Variants in FOXP2 observed in about 807,000 individuals in gnomAD.
FOXP2 encodes the protein forkhead box protein P2.
FOXP2 carries 12 observed loss-of-function variants against 115.8 expected under a neutral mutation model. That is an observed-to-expected ratio of 0.10 (90% CI 0.07 to 0.17). FOXP2 has a LOEUF of 0.17. Ranked by LOEUF, FOXP2 falls within the 10% of genes least tolerant of loss-of-function variation. The pLI, the probability that FOXP2 is intolerant of heterozygous loss-of-function variation, is 1.00. For missense variants in FOXP2, 629 were observed against 843.5 expected, an observed-to-expected ratio of 0.75 and a Z score of 3.15; for synonymous variants, 328 against 297.7, an observed-to-expected ratio of 1.10 and a Z score of -1.05.
intron 2 of FOXP2, among the ~76,000 whole-genome samples, chr7:114,508,362 G>T (rs1287022287): frequency 6.6e-6 from 1 of 152,030 alleles, no homozygotes; most frequent in Non-Finnish European, 1.5e-5. Flanking sequence ...GCAATTGTTT[G>T]TTAGCAGCTA....
intron 1 of FOXP2, among the ~76,000 whole-genome samples, chr7:114,268,782 G>T (rs1386727040): frequency 6.6e-6 from 1 of 151,764 alleles, no homozygotes; most frequent in Non-Finnish European, 1.5e-5. Flanking sequence ...CCATAGATTA[G>T]TAACACTAAA....
chr7:114,421,903 C>T (rs533223563), intron 1 of FOXP2, among the ~76,000 whole-genome samples: 16 of 151,758 alleles, frequency 1.1e-4, no homozygotes, highest in East Asian at 9.7e-4. Context: ...ATTATTTAAA[C>T]GCTAGTTTCT....
At chr7:114,143,485 AT>A (rs1433015225) in intron 1 of FOXP2, among the ~76,000 whole-genome samples, 2 of 152,044 alleles carry the variant, frequency 1.3e-5, no homozygotes, top group African/African-American at 4.8e-5. Context: ...TTGGATTGGT[AT>A]GACAATAGTT....
At position 114,389,929 on chromosome 7, in the gene FOXP2, C is replaced by G. The variant is rs184996839; in HGVS notation, c.-10-36573C>G. On this transcript the variant is annotated intron_variant, in intron 2 of 17. Coordinates refer to the FOXP2 transcript ENST00000634411. ...ATCCTAGCTACTCAGGAGGTGGAGG[C>G]ATGAGAATCACTTGAACCTGGGAGG... Among the ~76,000 whole-genome samples, 223 of 145,804 alleles carry G rather than the reference C, an allele frequency of 1.5e-3. 1 individual carries two copies. Among genetic ancestry groups the G allele is most frequent in the African/African-American group, 5.3e-3 (211 of 39,798 alleles).
intron 2 of FOXP2, among the ~76,000 whole-genome samples, chr7:114,339,881 A>T (rs1429287473): frequency 6.6e-6 from 1 of 151,060 alleles, no homozygotes; most frequent in Non-Finnish European, 1.5e-5. Flanking sequence ...CAAGATAGGG[A>T]TTCTTATACT....
At chr7:114,409,286 T>C (rs1187197685), upstream of FOXP2, among the ~76,000 whole-genome samples, 2 of 152,130 alleles carry the variant, frequency 1.3e-5, no homozygotes, top group Non-Finnish European at 2.9e-5. Flanking sequence ...TTAGTATAAA[T>C]TGAATACCTA....
intron 2 of FOXP2, among the ~76,000 whole-genome samples, chr7:114,318,717 A>G (rs928401269): frequency 6.6e-6 from 1 of 151,222 alleles, no homozygotes; most frequent in African/African-American, 2.4e-5. Flanking sequence ...ATTCATATAT[A>G]TATATATATA....
chr7:114,228,826 C>T (rs796598514), intron 1 of FOXP2, among the ~76,000 whole-genome samples: 47 of 151,128 alleles, frequency 3.1e-4, no homozygotes, highest in African/African-American at 1.1e-3. Flanking sequence ...GAGAGCAAGA[C>T]AGGGAAAAAG....
chr7:114,511,498 G>T (rs1325054961), intron 2 of FOXP2, among the ~76,000 whole-genome samples: 1 of 152,114 alleles, frequency 6.6e-6, no homozygotes, highest in Non-Finnish European at 1.5e-5. Flanking sequence ...GTGAGCATTG[G>T]GGGAAGGAAT....
chr7:114,311,500 CA>C (rs1178101198), intron 2 of FOXP2, among the ~76,000 whole-genome samples: 3 of 152,122 alleles, frequency 2.0e-5, no homozygotes, highest in African/African-American at 7.2e-5. Flanking sequence ...GTAGAAGCCA[CA>C]AGATTACATT....
chr7:114,199,103 A>G (rs745584108), intron 1 of FOXP2, among the ~76,000 whole-genome samples: 42 of 152,132 alleles, frequency 2.8e-4, no homozygotes, highest in Non-Finnish European at 5.1e-4. Flanking sequence ...CTCAGCCTCA[A>G]ATTCCTGGGC....
intron 2 of FOXP2, among the ~76,000 whole-genome samples, chr7:114,342,994 A>G (rs1023342732): frequency 2.0e-5 from 3 of 151,628 alleles, no homozygotes; most frequent in African/African-American, 7.2e-5. Context: ...AGCTAATTTT[A>G]AAGATAATTT....
chr7:114,307,163 T>C (rs895342336), intron 2 of FOXP2, among the ~76,000 whole-genome samples: 1 of 152,176 alleles, frequency 6.6e-6, no homozygotes, highest in African/African-American at 2.4e-5. Context: ...GGTGACGTTG[T>C]TGGCCACTCT....
At chr7:114,304,563 A>G (rs113042398) in intron 2 of FOXP2, among the ~76,000 whole-genome samples, 3,461 of 150,906 alleles carry the variant, frequency 0.023, 84 homozygotes, top group African/African-American at 0.055. Context: ...CCAGCTACTC[A>G]GGAGGCTGAA....
chr7:114,607,347 A>C (rs1803386212), intron 3 of FOXP2, among the ~76,000 whole-genome samples: 1 of 152,216 alleles, frequency 6.6e-6, no homozygotes, highest in Non-Finnish European at 1.5e-5. Flanking sequence ...GAATACATTC[A>C]AAGAGCACTG....
chr7:114,158,272 G>T (rs1792724725), upstream of FOXP2, among the ~76,000 whole-genome samples: 1 of 152,098 alleles, frequency 6.6e-6, no homozygotes, highest in South Asian at 2.1e-4. Context: ...TCAGGTCGCA[G>T]GCTAGCCCAT....
At chr7:114,251,015 G>A (rs1423677031) in intron 1 of FOXP2, among the ~76,000 whole-genome samples, 1 of 152,116 alleles carries the variant, frequency 6.6e-6, no homozygotes, top group Non-Finnish European at 1.5e-5. Context: ...TTCTACATAT[G>A]GCTAGCCAGT....
At chr7:114,559,820 C>T (rs1285804989) in intron 3 of FOXP2, among the ~76,000 whole-genome samples, 2 of 149,874 alleles carry the variant, frequency 1.3e-5, no homozygotes. Flanking sequence ...ACCTGGCAGG[C>T]AGAGCTTGCA....
At chr7:114,113,324 T>A (rs1399780817) in intron 1 of FOXP2, among the ~76,000 whole-genome samples, 1 of 152,148 alleles carries the variant, frequency 6.6e-6, no homozygotes, top group Non-Finnish European at 1.5e-5. Context: ...CTTTCTCAAA[T>A]CCTAAACAAA....
Sources: allele counts gnomAD v4.1 joint callset (sites outside exome capture counted in the v4.1 genomes callset), GRCh38; gene constraint gnomAD v4.1.1; transcripts MANE v1.5; gene names NCBI Gene and HGNC (gene_info 2026-07-23, HGNC 2026-07-21).